Variants in CEP112 observed in about 807,000 individuals in gnomAD.
The protein encoded by CEP112 is centrosomal protein of 112 kDa.
A neutral mutation model predicts 153.0 loss-of-function variants in CEP112; 127 were observed. The observed-to-expected ratio is 0.83, with a 90% confidence interval of 0.72 to 0.96. CEP112 has a LOEUF of 0.96. Among genes scored for constraint, CEP112 ranks in the 40% least tolerant of loss-of-function variants. CEP112 has a pLI of 0.00. For synonymous variants in CEP112, 358 were observed against 374.4 expected (o/e 0.96, Z 0.51); for missense variants, 1,089 against 1,101.2 (o/e 0.99, Z 0.16).
intron 21 of CEP112, among the ~76,000 whole-genome samples, chr17:65,834,452 T>C (rs916194280): frequency 1.3e-5 from 2 of 152,094 alleles, no homozygotes; most frequent in East Asian, 1.9e-4. Flanking sequence ...AAACTATGCA[T>C]GTAACAAAGG....
intron 16 of CEP112, among the ~76,000 whole-genome samples, chr17:66,011,827 T>A (rs1414056395): frequency 6.6e-6 from 1 of 152,164 alleles, no homozygotes; most frequent in Non-Finnish European, 1.5e-5. Flanking sequence ...GGTATTGAAG[T>A]CTCTCATCAT....
At chr17:65,845,966 T>C (rs1244839523) in intron 21 of CEP112, among the ~76,000 whole-genome samples, 3 of 152,192 alleles carry the variant, frequency 2.0e-5, no homozygotes, top group African/African-American at 7.2e-5. Context: ...TTAGGAATTC[T>C]TTTATAACCT....
chr17:65,758,625 A>C (rs2145356631), intron 21 of CEP112, among the ~76,000 whole-genome samples: 1 of 152,326 alleles, frequency 6.6e-6, no homozygotes, highest in Middle Eastern at 3.4e-3. Context: ...ATTTATATTT[A>C]AGGCAAGCCC....
chr17:66,062,865 T>A, intron 11 of CEP112, 98 bp downstream of exon 11: 1 of 561,194 alleles, frequency 1.8e-6, no homozygotes, highest in Non-Finnish European at 2.9e-6. Context: ...TTTTTAAACT[T>A]TTCTGTATAT....
intron 17 of CEP112, among the ~76,000 whole-genome samples, chr17:65,986,540 C>T (rs1296693084): frequency 6.6e-6 from 1 of 152,048 alleles, no homozygotes; most frequent in Non-Finnish European, 1.5e-5. Context: ...CAAAATGCAT[C>T]GGATTAAAGT....
intron 21 of CEP112, among the ~76,000 whole-genome samples, chr17:65,803,663 T>C (rs1876302215): frequency 6.6e-6 from 1 of 152,200 alleles, no homozygotes; most frequent in Non-Finnish European, 1.5e-5. Context: ...ACCCCTGTTC[T>C]TTACTCCCTC....
intron 20 of CEP112, among the ~76,000 whole-genome samples, chr17:65,856,123 T>C (rs2058112678): frequency 6.6e-6 from 1 of 151,976 alleles, no homozygotes; most frequent in African/African-American, 2.4e-5. Context: ...AAAAGTGTAA[T>C]GGAAGAAGTT....
In CEP112 at chr17:65,881,107, C is replaced by T. The variant is rs532465170; in HGVS notation, c.2163+21045G>A. Among the ~76,000 whole-genome samples the T allele has an allele frequency of 9.2e-5, 14 of 152,110 alleles. No homozygotes were observed. The South Asian group carries it at 1.7e-3, about 18-fold the overall frequency. On this transcript the variant is annotated intron_variant, in intron 20 of 26. Transcript: ENST00000535342. ...GCATGCGCTTGTAGTCCCAGCTACT[C>T]GGGAGGCTGAGGCAGGAGAATCACA...
At position 66,094,656 on chromosome 17, in the gene CEP112, T is replaced by C. The variant is rs1490967470; in HGVS notation, c.768+1595A>G. Among the ~76,000 whole-genome samples the C allele has an allele frequency of 3.3e-5, 5 of 152,160 alleles. No individual in the cohort carries two copies. The East Asian group carries it at 9.7e-4, about 29-fold the overall frequency. On this transcript the variant is annotated intron_variant, in intron 8 of 26. Coordinates refer to ENST00000535342, the MANE Select transcript of CEP112 (RefSeq NM_001199165.4). The stretch of plus-strand genomic sequence containing the variant: ...AAGAAAAAATAGACAAATGAGATTA[T>C]ATCAAACTAAAAAGCTTCTGCATAG...
intron 20 of CEP112, among the ~76,000 whole-genome samples, chr17:65,878,628 T>C (rs960704175): frequency 2.0e-5 from 3 of 152,002 alleles, no homozygotes. Context: ...AAGCCGGAAC[T>C]AGTGGGGAGG....
chr17:65,696,364 G>A (rs745514354), intron 23 of CEP112, among the ~76,000 whole-genome samples: 61 of 152,198 alleles, frequency 4.0e-4, no homozygotes, highest in Admixed American at 1.0e-3. Flanking sequence ...GGTTCTGTCC[G>A]TAGGTTCACC....
chr17:65,882,337 A>G (rs1465110056), intron 20 of CEP112, among the ~76,000 whole-genome samples: 1 of 152,246 alleles, frequency 6.6e-6, no homozygotes, highest in Non-Finnish European at 1.5e-5. Flanking sequence ...TCATTTTGGC[A>G]TCTTCAACAG....
intron 20 of CEP112, among the ~76,000 whole-genome samples, chr17:65,869,664 A>G (rs1158859754): frequency 1.3e-5 from 2 of 148,978 alleles, no homozygotes; most frequent in South Asian, 2.1e-4. Flanking sequence ...ACTGCAAGCT[A>G]CGCCTCCTGG....
At chr17:66,178,726 G>C (rs945630985) in intron 2 of CEP112, among the ~76,000 whole-genome samples, 7 of 151,964 alleles carry the variant, frequency 4.6e-5, no homozygotes, top group African/African-American at 1.4e-4. Flanking sequence ...TTTTATTTTT[G>C]TATATGGTGG....
chr17:65,635,913 G>C lies in CEP112; in HGVS notation c.*58C>G. 6.4e-7 allele frequency: 1 copy of C among 1,568,942 alleles called. No homozygotes were observed. The highest frequency in any genetic ancestry group is 8.7e-7 in the Non-Finnish European group (1 of 1,150,742). ...TTACAATATCCAAATCTTCAAACCT[G>C]CTGGAAGAAGTCCACAGCACAGCCT... On this transcript the variant is annotated 3_prime_UTR_variant, in exon 27 of 27. Coordinates refer to ENST00000535342, the MANE Select transcript of CEP112 (RefSeq NM_001199165.4).
chr17:66,107,167 A>G (rs1568496891), intron 6 of CEP112, among the ~76,000 whole-genome samples: 1 of 152,150 alleles, frequency 6.6e-6, no homozygotes, highest in Non-Finnish European at 1.5e-5. Context: ...GTCATATACA[A>G]CAGACCCACA....
At chr17:65,698,673 G>T (rs232139) in intron 23 of CEP112, among the ~76,000 whole-genome samples, 37 of 151,748 alleles carry the variant, frequency 2.4e-4, no homozygotes, top group Non-Finnish European at 8.8e-5. Flanking sequence ...ACATTCCCCC[G>T]CTTCGTGGCT....
intron 12 of CEP112, among the ~76,000 whole-genome samples, chr17:66,042,728 T>C (rs1838438823): frequency 6.6e-6 from 1 of 152,188 alleles, no homozygotes; most frequent in South Asian, 2.1e-4. Flanking sequence ...GATTTACTTA[T>C]TGTGAAAAGT....
intron 23 of CEP112, among the ~76,000 whole-genome samples, chr17:65,723,097 C>A (rs112412287): frequency 3.3e-5 from 5 of 152,298 alleles, no homozygotes; most frequent in African/African-American, 1.2e-4. Flanking sequence ...AGATGTAGAA[C>A]ACAATCCATC....
Sources: gnomAD v4.1 joint callset for allele counts (sites outside exome capture counted in the v4.1 genomes callset) on GRCh38, gnomAD v4.1.1 for gene constraint, MANE v1.5 for transcripts, NCBI Gene and HGNC (gene_info 2026-07-23, HGNC 2026-07-21) for gene names.